Variants in DACH2 observed in about 807,000 individuals in gnomAD.
DACH2 encodes dachshund family transcription factor 2.
Under a neutral mutation model 35.8 loss-of-function variants are expected in DACH2, and 17 were observed. That is an observed-to-expected ratio of 0.48 (90% CI 0.33 to 0.71). The LOEUF (loss-of-function observed/expected upper bound fraction) is 0.71, where lower values mean the gene tolerates loss of function less well. DACH2 is among the 30% of genes least tolerant of loss of function. The probability of loss-of-function intolerance (pLI) is 0.02; values close to 1 mark genes in which losing one functional copy is unlikely to be tolerated. For missense variants in DACH2, 469 were observed against 472.7 expected (o/e 0.99, Z 0.07); for synonymous variants, 195 against 177.3 (o/e 1.10, Z -0.79).
intron 2 of DACH2, among the ~76,000 whole-genome samples, chrX:86,400,051 C>T (rs747820128): frequency 9.0e-6 from 1 of 111,658 alleles, no homozygotes; most frequent in East Asian, 2.8e-4. Context: ...TTCACATAGT[C>T]CCATATTTCT....
rs55825336 is a variant in DACH2, at chrX:86,382,461, T to TACACACACACAC, written c.527+5632_527+5643dup. On this transcript the variant is annotated intron_variant, in intron 2 of 11. Coordinates refer to ENST00000373125, the MANE Select transcript of DACH2 (RefSeq NM_053281.3). ...CAGAGTTGCAAATATGCTACATTCA[T>TACACACACACAC]ACACACACACACACACACACACACA... Among the ~76,000 whole-genome samples the TACACACACACAC allele has an allele frequency of 4.5e-3, 427 of 94,606 alleles. 5 individuals are homozygous for TACACACACACAC. The highest frequency in any genetic ancestry group is 0.016 in the African/African-American group (403 of 25,021). 82.2% of individuals were successfully genotyped at this position (94,606 alleles called of 115,157 possible). A position where few individuals can be genotyped will look rare whatever the true frequency, so the allele number is the denominator to read the frequency against.
chrX:86,249,418 T>A (rs1351209433), intron 1 of DACH2, among the ~76,000 whole-genome samples: 1 of 111,517 alleles, frequency 9.0e-6, no homozygotes, highest in Admixed American at 9.6e-5. Context: ...CTCTATAGAA[T>A]ACATACACTT....
intron 2 of DACH2, among the ~76,000 whole-genome samples, chrX:86,414,200 A>G (rs1397482976): frequency 1.8e-5 from 2 of 111,326 alleles, no homozygotes; most frequent in African/African-American, 6.5e-5. Context: ...CTGTTTCTAT[A>G]ATTCAAACCA....
At chrX:86,420,190 G>A (rs1334161342) in intron 2 of DACH2, among the ~76,000 whole-genome samples, 7 of 111,697 alleles carry the variant, frequency 6.3e-5, no homozygotes, top group African/African-American at 2.3e-4. Context: ...CTCAATTATG[G>A]GAAGGCATGC....
chrX:86,690,895 A>G (rs1022237776), intron 4 of DACH2, among the ~76,000 whole-genome samples: 1 of 111,803 alleles, frequency 8.9e-6, no homozygotes, highest in African/African-American at 3.2e-5. Context: ...ATTGTCATCA[A>G]TTTAGTTTTA....
chrX:86,542,688 A>T (rs757129471), intron 3 of DACH2, among the ~76,000 whole-genome samples: 1 of 112,118 alleles, frequency 8.9e-6, no homozygotes, highest in Non-Finnish European at 1.9e-5. Flanking sequence ...ATTTATCTTG[A>T]CATTAAAATC....
intron 1 of DACH2, among the ~76,000 whole-genome samples, chrX:86,272,155 A>G (rs2033824806): frequency 9.0e-6 from 1 of 110,523 alleles, no homozygotes; most frequent in Non-Finnish European, 1.9e-5. Context: ...GCTGCGAAAC[A>G]TATGATTTCA....
chrX:86,199,647 C>T (rs1276515708), intron 1 of DACH2, among the ~76,000 whole-genome samples: 2 of 111,667 alleles, frequency 1.8e-5, no homozygotes, highest in Non-Finnish European at 3.8e-5. Flanking sequence ...ATCAGGAATT[C>T]AATCCCCTTC....
At chrX:86,183,829 A>G (rs1241272104) in intron 1 of DACH2, among the ~76,000 whole-genome samples, 2 of 111,528 alleles carry the variant, frequency 1.8e-5, no homozygotes, top group East Asian at 5.7e-4. Context: ...TTGGTAGGCT[A>G]TTAATTACTG....
intron 1 of DACH2, among the ~76,000 whole-genome samples, chrX:86,342,905 A>T (rs2035436176): frequency 8.9e-6 from 1 of 111,977 alleles, no homozygotes; most frequent in South Asian, 3.8e-4. Context: ...CATGTAAACA[A>T]GACTGTCCAC....
intron 2 of DACH2, among the ~76,000 whole-genome samples, chrX:86,489,734 A>T (rs746090338): frequency 1.1e-4 from 12 of 111,607 alleles, no homozygotes; most frequent in Non-Finnish European, 2.3e-4. Context: ...TTCTAACCGA[A>T]TTTTTTTAAA....
chrX:86,297,200 A>G (rs1049619696), intron 1 of DACH2, among the ~76,000 whole-genome samples: 45 of 109,689 alleles, frequency 4.1e-4, no homozygotes, highest in African/African-American at 1.4e-3. Flanking sequence ...AATAGCTTCG[A>G]CCTTCTTAGG....
At chrX:86,174,924 T>A (rs2031253484) in intron 1 of DACH2, among the ~76,000 whole-genome samples, 1 of 112,088 alleles carries the variant, frequency 8.9e-6, no homozygotes, top group South Asian at 3.7e-4. Flanking sequence ...GCTCAAGTGA[T>A]TCTCCCACCT....
chrX:86,320,510 AG>A (rs2034995952), intron 1 of DACH2, among the ~76,000 whole-genome samples: 1 of 112,110 alleles, frequency 8.9e-6, no homozygotes, highest in African/African-American at 3.2e-5. Context: ...TTAGCAGCAA[AG>A]CTTGATAATT....
At chrX:86,380,575 C>A (rs2036031330) in intron 2 of DACH2, among the ~76,000 whole-genome samples, 1 of 110,305 alleles carries the variant, frequency 9.1e-6, no homozygotes, top group South Asian at 3.8e-4. Context: ...CTGAGAAAAA[C>A]TTGTGGATCA....
At chrX:86,754,972 G>A (rs928464972) in intron 7 of DACH2, among the ~76,000 whole-genome samples, 26 of 111,475 alleles carry the variant, frequency 2.3e-4, no homozygotes, top group African/African-American at 8.5e-4. Flanking sequence ...TAATATGATA[G>A]TTCCAGTTTT....
intron 1 of DACH2, among the ~76,000 whole-genome samples, chrX:86,327,910 A>G (rs1034432115): frequency 9.0e-6 from 1 of 111,545 alleles, no homozygotes; most frequent in Non-Finnish European, 1.9e-5. Context: ...TTTGCAAATC[A>G]CATTAAATTA....
At chrX:86,456,370 C>A (rs1009549663) in intron 2 of DACH2, among the ~76,000 whole-genome samples, 4 of 111,431 alleles carry the variant, frequency 3.6e-5, no homozygotes, top group Non-Finnish European at 7.5e-5. Context: ...TTTAATTATT[C>A]TTTAGTGATT....
intron 3 of DACH2, among the ~76,000 whole-genome samples, chrX:86,625,209 AGTGTGTGTGTGTGTGTGTGTGTGTGTGT>A (rs72281959): frequency 1.2e-5 from 1 of 85,489 alleles, no homozygotes; most frequent in African/African-American, 4.0e-5. Context: ...AAACCTTCTT[AGTGTGTGTGTGTGTGTGTGTGTGTGTGT>A]GTGTGTGTGT....
Sources: allele counts gnomAD v4.1 joint callset (sites outside exome capture counted in the v4.1 genomes callset), GRCh38; gene constraint gnomAD v4.1.1; transcripts MANE v1.5; gene names NCBI Gene and HGNC (gene_info 2026-07-23, HGNC 2026-07-21).